The following CNTN5 variants were observed in gnomAD, a reference collection of about 807,000 sequenced individuals.
CNTN5 encodes the protein contactin-5.
Under a neutral mutation model 129.1 loss-of-function variants are expected in CNTN5, and 77 were observed. The observed-to-expected ratio is 0.60, with a 90% confidence interval of 0.50 to 0.72. The LOEUF (loss-of-function observed/expected upper bound fraction) is 0.72, where lower values mean the gene tolerates loss of function less well. CNTN5 is among the 30% of genes least tolerant of loss of function. CNTN5 has a pLI of 0.00. For synonymous variants in CNTN5, 509 were observed against 465.6 expected, an observed-to-expected ratio of 1.09 and a Z score of -1.20; for missense variants, 1,478 against 1,328.8, an observed-to-expected ratio of 1.11 and a Z score of -1.75.
intron 13 of CNTN5, among the ~76,000 whole-genome samples, chr11:100,157,057 CTTCTCTTGTTCT>C (rs1947269190): frequency 6.6e-6 from 1 of 151,940 alleles, no homozygotes; most frequent in Admixed American, 6.6e-5. Context: ...TTTGCTCTTG[CTTCTCTTGTTCT>C]TTTAATTGTG....
chr11:100,232,949 A>G (rs927257997), intron 16 of CNTN5, among the ~76,000 whole-genome samples: 2 of 152,294 alleles, frequency 1.3e-5, no homozygotes, highest in African/African-American at 4.8e-5. Context: ...CATATCACAT[A>G]AAAACAATAT....
chr11:99,335,434 A>G (rs766823370), intron 2 of CNTN5, among the ~76,000 whole-genome samples: 257 of 151,912 alleles, frequency 1.7e-3, no homozygotes, highest in Non-Finnish European at 2.9e-3. Context: ...CTGTTTTTGG[A>G]AGTTGCTTTA....
intron 3 of CNTN5, among the ~76,000 whole-genome samples, chr11:99,764,532 C>A (rs902453505): frequency 1.3e-5 from 2 of 152,062 alleles, no homozygotes; most frequent in Non-Finnish European, 2.9e-5. Flanking sequence ...TCTCCTGCCT[C>A]CGCCTTCCCA....
intron 7 of CNTN5, among the ~76,000 whole-genome samples, chr11:99,935,855 T>C (rs1950304729): frequency 1.3e-5 from 2 of 152,150 alleles, no homozygotes; most frequent in African/African-American, 4.8e-5. Flanking sequence ...GACTACTAGT[T>C]AGTCTTCTGT....
At chr11:99,572,877 A>G (rs1949220583) in intron 3 of CNTN5, among the ~76,000 whole-genome samples, 4 of 152,152 alleles carry the variant, frequency 2.6e-5, no homozygotes, top group African/African-American at 9.7e-5. Context: ...AACACATTTC[A>G]GATTACAGGA....
At chr11:99,784,566 T>G (rs936051466) in intron 3 of CNTN5, among the ~76,000 whole-genome samples, 4 of 152,078 alleles carry the variant, frequency 2.6e-5, no homozygotes, top group African/African-American at 9.7e-5. Context: ...TAAAATAATT[T>G]TTAATCCTTT....
At chr11:99,459,254 A>G (rs1488300428) in intron 2 of CNTN5, among the ~76,000 whole-genome samples, 1 of 152,018 alleles carries the variant, frequency 6.6e-6, no homozygotes, top group Non-Finnish European at 1.5e-5. Context: ...TATGAAGGAC[A>G]TAAAATTGCC....
chr11:99,853,547 G>A (rs1947942622), intron 6 of CNTN5, among the ~76,000 whole-genome samples: 1 of 152,018 alleles, frequency 6.6e-6, no homozygotes, highest in Non-Finnish European at 1.5e-5. Flanking sequence ...TTACAGGCAT[G>A]CGCCACCATG....
chr11:99,398,735 T>C (rs1209026700), intron 2 of CNTN5, among the ~76,000 whole-genome samples: 2 of 151,700 alleles, frequency 1.3e-5, no homozygotes, highest in Non-Finnish European at 2.9e-5. Context: ...TGTCAGTCTG[T>C]TTATCAATTT....
intron 13 of CNTN5, among the ~76,000 whole-genome samples, chr11:100,097,002 C>G (rs567516689): frequency 2.6e-5 from 4 of 152,172 alleles, no homozygotes; most frequent in Non-Finnish European, 4.4e-5. Flanking sequence ...CTCTTCTCTT[C>G]ATTTGTTTCT....
intron 3 of CNTN5, among the ~76,000 whole-genome samples, chr11:99,716,890 T>C (rs755636851): frequency 2.0e-5 from 3 of 152,098 alleles, no homozygotes; most frequent in Non-Finnish European, 4.4e-5. Flanking sequence ...AAGTGCAGTG[T>C]GTGCTGGAGA....
intron 15 of CNTN5, 22 bp from the exon 16 acceptor site, chr11:100,224,670 T>G (rs1297761083): frequency 2.5e-6 from 4 of 1,603,060 alleles, no homozygotes; most frequent in Non-Finnish European, 3.4e-6. Context: ...CATTTTAAAC[T>G]GGCACTTCAT....
At chr11:100,290,177 C>T (rs551798702) in intron 18 of CNTN5, among the ~76,000 whole-genome samples, 1 of 151,732 alleles carries the variant, frequency 6.6e-6, no homozygotes, top group Non-Finnish European at 1.5e-5. Context: ...AATGGCCATA[C>T]TGCCCAAGGT....
chr11:99,978,841 T>C (rs1938161491), intron 8 of CNTN5, among the ~76,000 whole-genome samples: 2 of 152,192 alleles, frequency 1.3e-5, no homozygotes, highest in Admixed American at 6.5e-5. Context: ...TTGGTTTATA[T>C]GGGAAGAGAG....
chr11:99,315,717 G>C (rs1199669724), intron 1 of CNTN5, among the ~76,000 whole-genome samples: 1 of 149,368 alleles, frequency 6.7e-6, no homozygotes, highest in Non-Finnish European at 1.5e-5. Flanking sequence ...ATATTGAATA[G>C]ACAAAGTTTT....
At chr11:99,758,885 G>C (rs1047079062) in intron 3 of CNTN5, among the ~76,000 whole-genome samples, 2 of 151,956 alleles carry the variant, frequency 1.3e-5, no homozygotes, top group African/African-American at 4.8e-5. Flanking sequence ...AATAAATCTG[G>C]AGTAAAAAGC....
intron 8 of CNTN5, among the ~76,000 whole-genome samples, chr11:99,973,521 A>G (rs1937719973): frequency 6.6e-6 from 1 of 152,124 alleles, no homozygotes; most frequent in Non-Finnish European, 1.5e-5. Flanking sequence ...CATTCTTAAT[A>G]TGCTCTACCT....
intron 9 of CNTN5, among the ~76,000 whole-genome samples, chr11:100,022,618 C>T (rs1413721119): frequency 6.6e-6 from 1 of 152,118 alleles, no homozygotes. Context: ...TTACCATTTT[C>T]AATGCTTTCA....
chr11:99,626,244 T>G (rs1951128390), intron 3 of CNTN5, among the ~76,000 whole-genome samples: 1 of 152,096 alleles, frequency 6.6e-6, no homozygotes, highest in Admixed American at 6.6e-5. Flanking sequence ...TGTAGGGGAC[T>G]AATGAGAATT....
Sources: gnomAD v4.1 joint callset for allele counts (sites outside exome capture counted in the v4.1 genomes callset) on GRCh38, gnomAD v4.1.1 for gene constraint, MANE v1.5 for transcripts, NCBI Gene and HGNC (gene_info 2026-07-23, HGNC 2026-07-21) for gene names.